LINGO2: variants seen among roughly 807,000 people sequenced by gnomAD.
LINGO2 encodes leucine-rich repeat and immunoglobulin-like domain-containing nogo receptor-interacting protein 2.
In LINGO2, 14 loss-of-function variants were observed where a neutral mutation model predicts 30.6. That is an observed-to-expected ratio of 0.46 (90% CI 0.30 to 0.72). LINGO2 has a LOEUF of 0.72. Ranked by LOEUF, LINGO2 falls within the 30% of genes least tolerant of loss-of-function variation. The pLI, the probability that LINGO2 is intolerant of heterozygous loss-of-function variation, is 0.07. For missense variants in LINGO2, 729 were observed against 751.7 expected, an observed-to-expected ratio of 0.97 and a Z score of 0.35; for synonymous variants, 317 against 288.5, an observed-to-expected ratio of 1.10 and a Z score of -1.00.
chr9:28,193,707 A>G (rs1454155049), intron 4 of LINGO2, among the ~76,000 whole-genome samples: 1 of 152,198 alleles, frequency 6.6e-6, no homozygotes, highest in East Asian at 1.9e-4. Flanking sequence ...TGGCGTTAGT[A>G]TCTCTCAACA....
intron 1 of LINGO2, among the ~76,000 whole-genome samples, chr9:28,589,726 C>G (rs527405023): frequency 6.6e-6 from 1 of 151,924 alleles, no homozygotes; most frequent in Non-Finnish European, 1.5e-5. Context: ...GCCATACTGC[C>G]CAAGGTAATT....
the LINGO2 span, among the ~76,000 whole-genome samples, chr9:29,124,106 A>T: frequency 1.3e-5 from 2 of 152,096 alleles, no homozygotes; most frequent in Non-Finnish European, 2.9e-5. Flanking sequence ...AAATAAAACC[A>T]CACATCTACA....
chr9:28,067,430 A>C (rs1825346541), intron 4 of LINGO2, among the ~76,000 whole-genome samples: 1 of 152,292 alleles, frequency 6.6e-6, no homozygotes, highest in Middle Eastern at 3.4e-3. Flanking sequence ...AAAAACAATT[A>C]TATTTAAAAA....
chr9:28,384,350 T>TATATATATATATATATGC (rs1821488009), intron 2 of LINGO2, among the ~76,000 whole-genome samples: 1 of 148,990 alleles, frequency 6.7e-6, no homozygotes. Flanking sequence ...TATATATATA[T>TATATATATATATATATGC]GCCTGTGTAT....
At chr9:28,200,094 A>G (rs1416191474) in intron 4 of LINGO2, among the ~76,000 whole-genome samples, 1 of 152,110 alleles carries the variant, frequency 6.6e-6, no homozygotes, top group Non-Finnish European at 1.5e-5. Context: ...TCTTCACAAC[A>G]GGGAATTTTT....
intron 1 of LINGO2, among the ~76,000 whole-genome samples, chr9:28,499,163 C>A (rs1819784845): frequency 6.6e-6 from 1 of 152,114 alleles, no homozygotes; most frequent in Non-Finnish European, 1.5e-5. Context: ...AAAGGTAAGT[C>A]CTGGGAGGTC....
chr9:28,284,875 T>C (rs540112988), intron 4 of LINGO2, among the ~76,000 whole-genome samples: 97 of 152,202 alleles, frequency 6.4e-4, no homozygotes, highest in Non-Finnish European at 1.1e-3. Context: ...TGATATGAAC[T>C]ATATATTAGA....
chr9:28,856,551 G>A, the LINGO2 span, among the ~76,000 whole-genome samples: 1 of 152,010 alleles, frequency 6.6e-6, no homozygotes, highest in Non-Finnish European at 1.5e-5. Context: ...AAACAAGTGA[G>A]AAAGGAGAGT....
chr9:28,104,151 CCTT>C (rs1826500450), intron 4 of LINGO2, among the ~76,000 whole-genome samples: 1 of 151,680 alleles, frequency 6.6e-6, no homozygotes, highest in Non-Finnish European at 1.5e-5. Context: ...TCCTCTCTGT[CCTT>C]CTTGGGTTAT....
intron 1 of LINGO2, among the ~76,000 whole-genome samples, chr9:28,644,441 A>G (rs1204110914): frequency 6.6e-6 from 1 of 152,070 alleles, no homozygotes; most frequent in Non-Finnish European, 1.5e-5. Context: ...CAAACACTCG[A>G]TATGTTCACT....
chr9:28,817,252 G>T, the LINGO2 span, among the ~76,000 whole-genome samples: 2 of 152,138 alleles, frequency 1.3e-5, no homozygotes, highest in African/African-American at 2.4e-5. Flanking sequence ...AAAAAAGGGG[G>T]ATAGGTATAC....
At chr9:28,535,200 T>A (rs2135440875) in intron 1 of LINGO2, among the ~76,000 whole-genome samples, 1 of 152,286 alleles carries the variant, frequency 6.6e-6, no homozygotes, top group African/African-American at 2.4e-5. Flanking sequence ...TTTTATCATA[T>A]TTATACAATG....
chr9:27,996,552 C>T (rs77337734), intron 5 of LINGO2, among the ~76,000 whole-genome samples: 2,351 of 152,006 alleles, frequency 0.015, 40 homozygotes, highest in Middle Eastern at 0.041. Flanking sequence ...CTCTCATGTG[C>T]AAATTATCTC....
At chr9:28,075,025 A>T (rs1825583919) in intron 4 of LINGO2, among the ~76,000 whole-genome samples, 1 of 151,624 alleles carries the variant, frequency 6.6e-6, no homozygotes, top group African/African-American at 2.4e-5. Flanking sequence ...AACCACATTC[A>T]GAAATAGGGT....
intron 5 of LINGO2, among the ~76,000 whole-genome samples, chr9:28,000,041 T>G (rs746053560): frequency 5.3e-5 from 8 of 152,214 alleles, no homozygotes; most frequent in Non-Finnish European, 1.0e-4. Flanking sequence ...TAAAACCTCT[T>G]TCTCAGATAT....
the LINGO2 span, among the ~76,000 whole-genome samples, chr9:29,026,533 A>G: frequency 6.6e-6 from 1 of 152,286 alleles, no homozygotes; most frequent in East Asian, 1.9e-4. Flanking sequence ...GAAAACATTT[A>G]TGCTATATTA....
intron 2 of LINGO2, among the ~76,000 whole-genome samples, chr9:28,383,839 C>T (rs1019427113): frequency 6.6e-6 from 1 of 151,934 alleles, no homozygotes; most frequent in Admixed American, 6.6e-5. Flanking sequence ...TTGGAAAATA[C>T]ATCTGTTTTG....
chr9:28,638,322 T>A (rs1191953579), intron 1 of LINGO2, among the ~76,000 whole-genome samples: 1 of 152,222 alleles, frequency 6.6e-6, no homozygotes, highest in Non-Finnish European at 1.5e-5. Flanking sequence ...ATCAGGATGA[T>A]GCTGGCCTCA....
At chr9:28,318,956 A>G (rs1339961256) in intron 3 of LINGO2, among the ~76,000 whole-genome samples, 1 of 152,194 alleles carries the variant, frequency 6.6e-6, no homozygotes, top group Non-Finnish European at 1.5e-5. Flanking sequence ...GCTGCTTGCT[A>G]CATACACTTG....
Sources: allele counts gnomAD v4.1 joint callset (sites outside exome capture counted in the v4.1 genomes callset), GRCh38; gene constraint gnomAD v4.1.1; transcripts MANE v1.5; gene names NCBI Gene and HGNC (gene_info 2026-07-23, HGNC 2026-07-21).